TRERF1: variants seen among roughly 807,000 people sequenced by gnomAD.
The protein encoded by TRERF1 is transcriptional-regulating factor 1.
Under a neutral mutation model 122.9 loss-of-function variants are expected in TRERF1, and 27 were observed. That is an observed-to-expected ratio of 0.22 (90% CI 0.16 to 0.30). The LOEUF (loss-of-function observed/expected upper bound fraction) is 0.30, where lower values mean the gene tolerates loss of function less well. TRERF1 is among the 10% of genes least tolerant of loss of function. TRERF1 has a pLI of 1.00. For missense variants in TRERF1, 1,248 were observed against 1,560.3 expected, an observed-to-expected ratio of 0.80 and a Z score of 3.37; for synonymous variants, 636 against 641.7, an observed-to-expected ratio of 0.99 and a Z score of 0.13.
At chr6:42,418,968 G>A (rs1782336285) in intron 2 of TRERF1, among the ~76,000 whole-genome samples, 1 of 152,060 alleles carries the variant, frequency 6.6e-6, no homozygotes, top group Non-Finnish European at 1.5e-5. Flanking sequence ...TTGATAACAG[G>A]GTGTAAAACA....
intron 3 of TRERF1, among the ~76,000 whole-genome samples, chr6:42,302,725 G>A (rs1786443443): frequency 6.6e-6 from 1 of 152,252 alleles, no homozygotes. Context: ...AGTCAGTACA[G>A]TAACTGGCAA....
rs557513474 is a variant in TRERF1 at position 42,259,199 on chromosome 6, T to C, written c.2269+140A>G. On this transcript the variant is annotated intron_variant, in intron 9 of 17. Coordinates refer to ENST00000372922, the Ensembl canonical transcript of TRERF1. This position sits in a 1 kb window ranked among gnomAD's most constrained non-coding sequence, Gnocchi z 4.9. ...AGGGCTATGTATTCCAAGTCTTTCT[T>C]AACACCCAGCAGCGCGTGCTACATA... 7 of 1,184,820 alleles carry C rather than the reference T, an allele frequency of 5.9e-6. No individual in the cohort carries two copies. The Admixed American group carries it at 1.4e-4, about 23-fold the overall frequency. 73.4% of individuals were successfully genotyped at this position (1,184,820 alleles called of 1,614,324 possible).
intron 3 of TRERF1, among the ~76,000 whole-genome samples, chr6:42,314,697 A>T (rs1561970478): frequency 6.6e-6 from 1 of 152,220 alleles, no homozygotes; most frequent in East Asian, 1.9e-4. Context: ...AGAAGGTGAC[A>T]TCTGAGCAAA....
intron 4 of TRERF1, among the ~76,000 whole-genome samples, chr6:42,281,756 G>A (rs934322739): frequency 1.3e-5 from 2 of 152,194 alleles, no homozygotes; most frequent in African/African-American, 2.4e-5. Context: ...GCATCGATGA[G>A]CTGGATTAAG....
At chr6:42,318,370 G>A (rs1156241474) in intron 3 of TRERF1, among the ~76,000 whole-genome samples, 2 of 152,160 alleles carry the variant, frequency 1.3e-5, no homozygotes, top group African/African-American at 2.4e-5. Flanking sequence ...GTGGCTGTGG[G>A]GAGGGCTAAC....
At chr6:42,258,586 T>C (rs1777189470) in intron 9 of TRERF1, among the ~76,000 whole-genome samples, 1 of 152,268 alleles carries the variant, frequency 6.6e-6, no homozygotes, top group Non-Finnish European at 1.5e-5. Context: ...TACATTTTCT[T>C]TTTTTTGAGA....
chr6:42,397,640 T>C (rs144204501), intron 2 of TRERF1, among the ~76,000 whole-genome samples: 96 of 152,280 alleles, frequency 6.3e-4, no homozygotes, highest in African/African-American at 2.2e-3. Context: ...ATGGACAGCA[T>C]TTATTTTCCA....
intron 2 of TRERF1, among the ~76,000 whole-genome samples, chr6:42,397,413 A>G (rs1778786086): frequency 6.6e-6 from 1 of 152,212 alleles, no homozygotes; most frequent in African/African-American, 2.4e-5. Flanking sequence ...AATATTGATT[A>G]AGATATTATT....
chr6:42,281,855 C>T (rs1782360615), intron 4 of TRERF1, among the ~76,000 whole-genome samples: 1 of 152,220 alleles, frequency 6.6e-6, no homozygotes, highest in Admixed American at 6.5e-5. Flanking sequence ...TGCCAAGTCC[C>T]TCAGAAGCCC....
intron 3 of TRERF1, among the ~76,000 whole-genome samples, chr6:42,358,105 C>T (rs1770946390): frequency 6.6e-6 from 1 of 152,128 alleles, no homozygotes; most frequent in Non-Finnish European, 1.5e-5. Context: ...GGTTGGCACA[C>T]ACACCCTTTC....
intron 3 of TRERF1, among the ~76,000 whole-genome samples, chr6:42,340,314 T>C (rs1401933941): frequency 6.6e-6 from 1 of 152,076 alleles, no homozygotes; most frequent in African/African-American, 2.4e-5. Flanking sequence ...CCCCCAAGAC[T>C]ACCTTGGAGG....
At chr6:42,293,233 C>T (rs1275688871) in intron 4 of TRERF1, among the ~76,000 whole-genome samples, 1 of 152,200 alleles carries the variant, frequency 6.6e-6, no homozygotes, top group Non-Finnish European at 1.5e-5. Context: ...CACTCTCATA[C>T]CCATTATTTC....
chr6:42,252,484 A>C (rs1776001905), intron 13 of TRERF1, among the ~76,000 whole-genome samples: 1 of 152,174 alleles, frequency 6.6e-6, no homozygotes, highest in Admixed American at 6.5e-5. Flanking sequence ...GGATGGTGAC[A>C]CTGGCCACAG....
At chr6:42,256,802 T>C (rs1776829648) in exon 12 of TRERF1, 1 of 1,614,130 alleles carries the variant, frequency 6.2e-7, no homozygotes, top group African/African-American at 1.3e-5. Flanking sequence ...GGCAATGCAC[T>C]GGAACAGCAC....
intron 2 of TRERF1, among the ~76,000 whole-genome samples, chr6:42,446,991 C>T (rs1224443223): frequency 6.6e-6 from 1 of 152,166 alleles, no homozygotes; most frequent in Non-Finnish European, 1.5e-5. Flanking sequence ...AGTGAGAGAG[C>T]AAGATGCTGT....
At chr6:42,311,380 A>AGCT (rs1422657365) in intron 3 of TRERF1, among the ~76,000 whole-genome samples, 2 of 152,118 alleles carry the variant, frequency 1.3e-5, no homozygotes, top group Non-Finnish European at 2.9e-5. Context: ...AGGACACAGC[A>AGCT]GCTGTGTCCT....
chr6:42,296,812 C>T (rs1369478295), intron 4 of TRERF1, among the ~76,000 whole-genome samples: 2 of 152,028 alleles, frequency 1.3e-5, no homozygotes, highest in African/African-American at 2.4e-5. Context: ...GATGAGAAGC[C>T]CACGGGATCT....
chr6:42,245,696 C>T (rs2149616415), intron 14 of TRERF1, among the ~76,000 whole-genome samples: 1 of 152,270 alleles, frequency 6.6e-6, no homozygotes, highest in South Asian at 2.1e-4. Flanking sequence ...TTTATTATTA[C>T]TGTCATTAAA....
intron 3 of TRERF1, among the ~76,000 whole-genome samples, chr6:42,330,226 C>T (rs1395155235): frequency 2.0e-5 from 3 of 152,050 alleles, no homozygotes; most frequent in Non-Finnish European, 1.5e-5. Context: ...CCTCAGGAGA[C>T]ATCAGTAAAA....
Sources: allele counts gnomAD v4.1 joint callset (sites outside exome capture counted in the v4.1 genomes callset), GRCh38; gene constraint gnomAD v4.1.1; non-coding constraint Gnocchi (gnomAD v3.1); transcripts MANE v1.5; gene names NCBI Gene and HGNC (gene_info 2026-07-23, HGNC 2026-07-21).